TBC1D31: variants seen among roughly 807,000 people sequenced by gnomAD.
The protein encoded by TBC1D31 is TBC1 domain family member 31.
In TBC1D31, 99 loss-of-function variants were observed where a neutral mutation model predicts 132.9. That is an observed-to-expected ratio of 0.74 (90% CI 0.63 to 0.88). TBC1D31 has a LOEUF of 0.88. Among genes scored for constraint, TBC1D31 ranks in the 40% least tolerant of loss-of-function variants. The pLI, the probability that TBC1D31 is intolerant of heterozygous loss-of-function variation, is 0.00. For missense variants in TBC1D31, 1,134 were observed against 1,256.6 expected (o/e 0.90, Z 1.48); for synonymous variants, 385 against 419.4 (o/e 0.92, Z 1.00).
the TBC1D31 span, among the ~76,000 whole-genome samples, chr8:123,164,117 C>G: frequency 6.6e-6 from 1 of 152,206 alleles, no homozygotes; most frequent in Non-Finnish European, 1.5e-5. Flanking sequence ...TTTTCTTGCT[C>G]ATGAATCTGT....
intron 11 of TBC1D31, among the ~76,000 whole-genome samples, chr8:123,122,493 A>G (rs1261665442): frequency 6.6e-6 from 1 of 152,220 alleles, no homozygotes; most frequent in Non-Finnish European, 1.5e-5. Context: ...AGGTAAATTC[A>G]TAGACACAGA....
intron 6 of TBC1D31, among the ~76,000 whole-genome samples, chr8:123,100,341 C>T (rs894600166): frequency 1.2e-4 from 19 of 152,098 alleles, no homozygotes; most frequent in East Asian, 5.8e-4. Flanking sequence ...TTTCGGAGGC[C>T]GAGGCAGGCA....
intron 17 of TBC1D31, among the ~76,000 whole-genome samples, chr8:123,135,608 T>C (rs1340813186): frequency 6.6e-6 from 1 of 152,212 alleles, no homozygotes; most frequent in Non-Finnish European, 1.5e-5. Flanking sequence ...AAAAAAGTCA[T>C]ACTTTTAGTT....
At chr8:123,097,157 G>T in intron 5 of TBC1D31, 125 bp from the exon 6 acceptor site, 1 of 900,858 alleles carries the variant, frequency 1.1e-6, no homozygotes, top group Non-Finnish European at 1.7e-6. Context: ...AATCACATGG[G>T]ACTAGTGTGA....
chr8:123,117,771 AAAAAAAAAATT>A (rs1252925267), intron 10 of TBC1D31, among the ~76,000 whole-genome samples: 1 of 150,146 alleles, frequency 6.7e-6, no homozygotes, highest in African/African-American at 2.4e-5. Flanking sequence ...AAAAAAAAAA[AAAAAAAAAATT>A]AATTGAGCGT....
At chr8:123,114,234 G>T (rs1299081331) in intron 10 of TBC1D31, among the ~76,000 whole-genome samples, 1 of 152,166 alleles carries the variant, frequency 6.6e-6, no homozygotes, top group African/African-American at 2.4e-5. Context: ...GGCTCATGGG[G>T]CATGATCGTG....
the TBC1D31 span, among the ~76,000 whole-genome samples, chr8:123,158,569 A>G: frequency 6.6e-6 from 1 of 151,796 alleles, no homozygotes; most frequent in East Asian, 1.9e-4. Flanking sequence ...TCACGGCACA[A>G]CTCTGTCAAC....
chr8:123,118,351 AACTCTACT>A (rs1175509488), intron 10 of TBC1D31, among the ~76,000 whole-genome samples: 1 of 152,198 alleles, frequency 6.6e-6, no homozygotes, highest in Admixed American at 6.5e-5. Flanking sequence ...GGTATACAAT[AACTCTACT>A]ATTTTTGCAG....
chr8:123,126,861 C>T (rs1347375086), intron 13 of TBC1D31, among the ~76,000 whole-genome samples, 174 bp downstream of exon 13: 6 of 152,058 alleles, frequency 3.9e-5, no homozygotes, highest in Non-Finnish European at 7.3e-5. Context: ...CCTGCCTCAG[C>T]CTCCTGAGTA....
At position 123,072,850 on chromosome 8, in the gene TBC1D31, A is replaced by G; in HGVS notation, c.77+4A>G. ...CGTCCCCGGCCACGCGGGACGGGTAAAGGCCGTGGCGGGAGGGCGCGGGCT... is the reference window on the plus strand; with the variant it reads ...CGTCCCCGGCCACGCGGGACGGGTAGAGGCCGTGGCGGGAGGGCGCGGGCT... On this transcript the variant is annotated splice_donor_region_variant and intron_variant, in intron 1 of 21. Coordinates refer to ENST00000287380, the MANE Select transcript of TBC1D31 (RefSeq NM_145647.4). 12 of 1,561,832 alleles carry G rather than the reference A, an allele frequency of 7.7e-6. No homozygotes were observed. Among genetic ancestry groups the G allele is most frequent in the Non-Finnish European group, 1.0e-5 (12 of 1,153,236 alleles).
At chr8:123,124,295 C>G (rs1221937235) in intron 11 of TBC1D31, among the ~76,000 whole-genome samples, 1 of 152,134 alleles carries the variant, frequency 6.6e-6, no homozygotes, top group Non-Finnish European at 1.5e-5. Context: ...TTTTTAGACA[C>G]TAGAGTCTCT....
intron 7 of TBC1D31, chr8:123,102,227 A>G (rs570321031): frequency 5.3e-5 from 24 of 456,708 alleles, no homozygotes; most frequent in African/African-American, 4.2e-4. Flanking sequence ...CACCTGGTCT[A>G]ACCCTTTCAT....
intron 5 of TBC1D31, among the ~76,000 whole-genome samples, chr8:123,095,170 G>A (rs1179279642): frequency 6.6e-6 from 1 of 152,124 alleles, no homozygotes; most frequent in African/African-American, 2.4e-5. Flanking sequence ...TCTAAAAACT[G>A]GAGGCTTGAT....
chr8:123,159,281 AAAG>A, the TBC1D31 span, among the ~76,000 whole-genome samples: 44 of 119,270 alleles, frequency 3.7e-4, no homozygotes, highest in African/African-American at 1.4e-3. Flanking sequence ...AAAAAAAAAA[AAAG>A]AAAAAGAAAA....
At chr8:123,156,346 C>T (rs1189313193), downstream of TBC1D31, among the ~76,000 whole-genome samples, 1 of 149,690 alleles carries the variant, frequency 6.7e-6, no homozygotes, top group East Asian at 2.0e-4. Context: ...GAGGTTGAGG[C>T]GGGACAATTG....
chr8:123,143,548 G>A (rs1441198964), intron 19 of TBC1D31, among the ~76,000 whole-genome samples: 4 of 152,184 alleles, frequency 2.6e-5, no homozygotes, highest in African/African-American at 4.8e-5. Flanking sequence ...AGATCAAGAT[G>A]TAGATACCTG....
At chr8:123,156,067 T>A (rs1822978899), downstream of TBC1D31, among the ~76,000 whole-genome samples, 1 of 152,208 alleles carries the variant, frequency 6.6e-6, no homozygotes, top group Non-Finnish European at 1.5e-5. Flanking sequence ...AGAGCTATTA[T>A]CCTAGAAAGA....
intron 6 of TBC1D31, 122 bp downstream of exon 6, chr8:123,097,563 T>G: frequency 8.3e-7 from 1 of 1,198,430 alleles, no homozygotes; most frequent in Non-Finnish European, 1.1e-6. Context: ...AAATTACAAA[T>G]ATGTTATTTT....
chr8:123,088,506 G>A (rs934417787), intron 4 of TBC1D31, among the ~76,000 whole-genome samples: 1 of 152,096 alleles, frequency 6.6e-6, no homozygotes, highest in Non-Finnish European at 1.5e-5. Flanking sequence ...GTTGTAAACA[G>A]GAAATAACTG....
Sources: allele counts gnomAD v4.1 joint callset (sites outside exome capture counted in the v4.1 genomes callset), GRCh38; gene constraint gnomAD v4.1.1; transcripts MANE v1.5; gene names NCBI Gene and HGNC (gene_info 2026-07-23, HGNC 2026-07-21).